The following C2orf76 variants were observed in gnomAD, a reference collection of about 807,000 sequenced individuals.
The protein encoded by C2orf76 is chromosome 2 open reading frame 76, also known as UPF0538 protein C2orf76.
A neutral mutation model predicts 16.9 loss-of-function variants in C2orf76; 23 were observed. The ratio of observed to expected loss-of-function variants is 1.36; its 90% CI spans 0.98 to 1.93. The LOEUF is 1.93. C2orf76 is among the 30% of genes most tolerant of loss of function. The probability of loss-of-function intolerance (pLI) is 0.00; values close to 1 mark genes in which losing one functional copy is unlikely to be tolerated. For missense variants in C2orf76, 152 were observed against 152.6 expected (o/e 1.00, Z 0.02); for synonymous variants, 48 against 52.3 (o/e 0.92, Z 0.35).
intron 2 of C2orf76, among the ~76,000 whole-genome samples, chr2:119,334,643 T>C (rs531516292): frequency 6.6e-6 from 1 of 150,720 alleles, no homozygotes; most frequent in African/African-American, 2.4e-5. Context: ...TGAGCCGAGA[T>C]GGTGCCACTG....
chr2:119,282,406 G>A, the C2orf76 span, among the ~76,000 whole-genome samples: 18 of 152,262 alleles, frequency 1.2e-4, 1 homozygote, highest in African/African-American at 4.1e-4. Context: ...GGGGTGATTC[G>A]GCACTTCCCA....
intron 1 of C2orf76, among the ~76,000 whole-genome samples, chr2:119,354,433 A>G (rs1031178367): frequency 1.3e-5 from 2 of 152,204 alleles, no homozygotes; most frequent in African/African-American, 4.8e-5. Flanking sequence ...TTGAGGCACG[A>G]GAATCGCCTG....
chr2:119,313,006 C>T (rs539335711), intron 4 of C2orf76, among the ~76,000 whole-genome samples: 8 of 146,346 alleles, frequency 5.5e-5, no homozygotes, highest in South Asian at 2.2e-4. Context: ...CCAGCCTGGG[C>T]GACAGAGCAA....
At chr2:119,291,859 G>A in the C2orf76 span, among the ~76,000 whole-genome samples, 3 of 152,004 alleles carry the variant, frequency 2.0e-5, no homozygotes, top group Non-Finnish European at 2.9e-5. Flanking sequence ...GTCAGGCACC[G>A]AGCTAGGTCA....
intron 1 of C2orf76, among the ~76,000 whole-genome samples, chr2:119,347,758 T>C (rs1351862926): frequency 6.6e-6 from 1 of 152,096 alleles, no homozygotes; most frequent in Non-Finnish European, 1.5e-5. Context: ...CTAATTAACC[T>C]TTTTATCTTG....
chr2:119,283,222 C>T, the C2orf76 span, among the ~76,000 whole-genome samples: 1 of 152,122 alleles, frequency 6.6e-6, no homozygotes, highest in Non-Finnish European at 1.5e-5. Context: ...GGGGTGCAGG[C>T]GCTTAGCACT....
chr2:119,304,595 A>G (rs1003269099), intron 5 of C2orf76, among the ~76,000 whole-genome samples: 1 of 152,220 alleles, frequency 6.6e-6, no homozygotes, highest in Admixed American at 6.5e-5. Flanking sequence ...TGTTTTCAGG[A>G]AATCTAGGTA....
chr2:119,330,553 T>C (rs1256677551), intron 2 of C2orf76, among the ~76,000 whole-genome samples: 1 of 152,152 alleles, frequency 6.6e-6, no homozygotes, highest in African/African-American at 2.4e-5. Flanking sequence ...TCTTCATGTT[T>C]CTTTTGCTTG....
intron 2 of C2orf76, chr2:119,338,844 T>C (rs979081247): frequency 6.6e-6 from 1 of 152,110 alleles, no homozygotes; most frequent in East Asian, 1.9e-4. Context: ...AACATCAAGG[T>C]TGCTTGACCT....
chr2:119,318,274 T>C (rs1679237969), intron 3 of C2orf76, among the ~76,000 whole-genome samples: 1 of 152,250 alleles, frequency 6.6e-6, no homozygotes, highest in East Asian at 1.9e-4. Context: ...CACTCGTTTT[T>C]ATTTAAACAT....
intron 2 of C2orf76, among the ~76,000 whole-genome samples, chr2:119,325,395 G>A (rs543726064): frequency 1.4e-5 from 2 of 148,004 alleles, no homozygotes; most frequent in South Asian, 2.1e-4. Flanking sequence ...AGGAGGCAGC[G>A]GTTGCGGTGA....
intron 1 of C2orf76, among the ~76,000 whole-genome samples, chr2:119,355,067 G>A (rs922163189): frequency 5.3e-5 from 8 of 152,130 alleles, no homozygotes; most frequent in South Asian, 2.1e-4. Flanking sequence ...ACCATAATTC[G>A]TTTTCTCTGC....
chr2:119,354,956 G>A (rs984038447), intron 1 of C2orf76, among the ~76,000 whole-genome samples: 3 of 152,130 alleles, frequency 2.0e-5, no homozygotes, highest in Admixed American at 6.5e-5. Context: ...ATATATCCTT[G>A]ATTACTGTTC....
chr2:119,292,135 T>C, the C2orf76 span, among the ~76,000 whole-genome samples: 1 of 152,176 alleles, frequency 6.6e-6, no homozygotes, highest in African/African-American at 2.4e-5. Context: ...CCAATTTGTA[T>C]AATTTTAAAT....
At chr2:119,291,536 G>C in the C2orf76 span, among the ~76,000 whole-genome samples, 1 of 151,992 alleles carries the variant, frequency 6.6e-6, no homozygotes, top group African/African-American at 2.4e-5. Context: ...GCTCAGGGCT[G>C]GCTGAATCCA....
chr2:119,331,972 C>T (rs79317858), intron 2 of C2orf76, among the ~76,000 whole-genome samples: 25 of 151,654 alleles, frequency 1.6e-4, no homozygotes, highest in Middle Eastern at 3.2e-3. Context: ...AGGAAGGTCA[C>T]GAGAAGGTAA....
chr2:119,295,063 G>A, the C2orf76 span, among the ~76,000 whole-genome samples: 17 of 152,236 alleles, frequency 1.1e-4, no homozygotes, highest in East Asian at 3.9e-4. Context: ...ATATTGAGAC[G>A]GTGTTGTGGA....
chr2:119,336,581 C>T (rs1014525079), intron 2 of C2orf76, among the ~76,000 whole-genome samples: 4 of 151,888 alleles, frequency 2.6e-5, no homozygotes, highest in African/African-American at 9.6e-5. Context: ...AAAATACAAA[C>T]AATTATGGCA....
intron 1 of C2orf76, among the ~76,000 whole-genome samples, chr2:119,347,812 G>C (rs780329360): frequency 6.6e-6 from 1 of 151,866 alleles, no homozygotes; most frequent in Non-Finnish European, 1.5e-5. Context: ...ATAATACAGC[G>C]CTCCCATTTC....
Sources: gnomAD v4.1 joint callset for allele counts (sites outside exome capture counted in the v4.1 genomes callset) on GRCh38, gnomAD v4.1.1 for gene constraint, MANE v1.5 for transcripts, NCBI Gene and HGNC (gene_info 2026-07-23, HGNC 2026-07-21) for gene names.